The following RASSF9 variants were observed in gnomAD, a reference collection of about 807,000 sequenced individuals.
RASSF9 encodes Ras association domain family member 9.
RASSF9 carries 18 observed loss-of-function variants against 21.4 expected under a neutral mutation model. The observed-to-expected ratio is 0.84, with a 90% CI of 0.58 to 1.25. The LOEUF (loss-of-function observed/expected upper bound fraction) is 1.25. Among genes scored for constraint, RASSF9 ranks in the 50% most tolerant of loss-of-function variants. The probability of loss-of-function intolerance (pLI) is 0.00; values close to 1 mark genes in which losing one functional copy is unlikely to be tolerated. For synonymous variants in RASSF9, 183 were observed against 179.1 expected, an observed-to-expected ratio of 1.02 and a Z score of -0.18; for missense variants, 480 against 503.2, an observed-to-expected ratio of 0.95 and a Z score of 0.44.
At position 85,805,931 on chromosome 12, in the gene RASSF9, T is replaced by C. The variant is rs769315880; in HGVS notation, c.79A>G (p.Lys27Glu). Residue 27 changes from lysine to glutamate, a missense_variant, in exon 2 of 2, where the codon AAG becomes GAG. Physicochemically the swap from Lys to Glu is moderately conservative, Grantham distance 56. Transcript: ENST00000361228. ...SPTKDMDSEE[K>E]EIVVWVCQEE... The stretch of plus-strand genomic sequence containing the variant: ...TGGCAAACCCAAACCACAATTTCCT[T>C]CTCTTCTGAATCCATGTCTTTAGTT... 4 of 1,612,422 alleles carry C rather than the reference T, an allele frequency of 2.5e-6. No individual in the cohort carries two copies. In the African/African-American group the frequency reaches 4.0e-5, roughly 16 times the overall value.
intron 1 of RASSF9, among the ~76,000 whole-genome samples, chr12:85,807,554 C>A (rs1879861615): frequency 6.6e-6 from 1 of 151,932 alleles, no homozygotes; most frequent in East Asian, 1.9e-4. Flanking sequence ...ATGATGATTT[C>A]CTGGACTAGA....
chr12:85,823,761 A>T (rs1300977471), intron 1 of RASSF9, among the ~76,000 whole-genome samples: 1 of 152,220 alleles, frequency 6.6e-6, no homozygotes, highest in African/African-American at 2.4e-5. Flanking sequence ...GAGGCAAACC[A>T]TCGAAATCAA....
Position 85,836,254 on chromosome 12 carries a change from G to A in RASSF9, c.-53C>T. On this transcript the variant is annotated 5_prime_UTR_variant, in exon 1 of 2. Coordinates refer to ENST00000361228, the MANE Select transcript of RASSF9 (RefSeq NM_005447.4). ...TTATCTTAAAGTGATCTGAGGGTGGGGGTGGGGGTGTCTGGATTTCCAGGG... is the reference window on the plus strand; with the variant it reads ...TTATCTTAAAGTGATCTGAGGGTGGAGGTGGGGGTGTCTGGATTTCCAGGG... 2 of 1,498,084 alleles carry A rather than the reference G, an allele frequency of 1.3e-6. No homozygotes were observed. Among genetic ancestry groups the A allele is most frequent in the Non-Finnish European group, 1.8e-6 (2 of 1,101,276 alleles). The allele number at this position is 1,498,084 out of a possible 1,614,324, so 92.8% of individuals were successfully genotyped here. A position where few individuals can be genotyped will look rare whatever the true frequency, so the allele number is the denominator to read the frequency against.
chr12:85,811,446 G>T (rs975325611), intron 1 of RASSF9, among the ~76,000 whole-genome samples: 4 of 151,686 alleles, frequency 2.6e-5, no homozygotes, highest in African/African-American at 9.7e-5. Context: ...TAAATTAACT[G>T]GTTATAAAAT....
rs71076150 is a variant in RASSF9, at chr12:85,806,672, C to CAA, written c.48-712_48-711dup. ...TGGGCAACAGCGTGAGACTCCATCT[C>CAA]AAAAAAAAAAAAAAAAAAAAAAAAA... On this transcript the variant is annotated intron_variant, in intron 1 of 1. Transcript: ENST00000361228. Among the ~76,000 whole-genome samples the CAA allele has an allele frequency of 5.7e-3, 312 of 54,830 alleles. 27 individuals carry two copies. Among genetic ancestry groups the CAA allele is most frequent in the South Asian group, 0.01 (6 of 600 alleles). 36.0% of individuals were successfully genotyped at this position (54,830 alleles called of 152,430 possible). A position where few individuals can be genotyped will look rare whatever the true frequency, so the allele number is the denominator to read the frequency against.
At chr12:85,832,339 C>G (rs1468994827) in intron 1 of RASSF9, among the ~76,000 whole-genome samples, 10 of 151,862 alleles carry the variant, frequency 6.6e-5, no homozygotes, top group African/African-American at 2.4e-4. Context: ...AATTCTCTGT[C>G]TCCAAATCTT....
rs538405941 is a variant in RASSF9, at chr12:85,801,269, C to T, written c.*3433G>A. ...GCCACATTTAAAAAAATCGTAGTAG[C>T]ATGAAGATTTAATTTTTCTTTCCCA... On this transcript the variant is annotated 3_prime_UTR_variant, in exon 2 of 2. Coordinates refer to ENST00000361228, the MANE Select transcript of RASSF9 (RefSeq NM_005447.4). 1 of 152,016 alleles carries T rather than the reference C, an allele frequency of 6.6e-6. No homozygotes were observed. The allele number at this position is 152,016 out of a possible 1,614,324, so 9.4% of individuals were successfully genotyped here. A position where few individuals can be genotyped will look rare whatever the true frequency, so the allele number is the denominator to read the frequency against.
Position 85,803,333 on chromosome 12 carries a change from T to TA in RASSF9, c.*1368dup, listed in dbSNP as rs2136547391. On this transcript the variant is annotated 3_prime_UTR_variant, in exon 2 of 2. Transcript: ENST00000361228. ...AACTAAGTAAAATAATATTTCTACT[T>TA]ACATGTGCAGTGACACACAGGAAAG... 1 of 152,248 alleles carries TA rather than the reference T, an allele frequency of 6.6e-6. No homozygotes were observed. The highest frequency in any genetic ancestry group is 1.9e-4 in the East Asian group (1 of 5,188). The allele number at this position is 152,248 out of a possible 1,614,324, so 9.4% of individuals were successfully genotyped here.
intron 1 of RASSF9, among the ~76,000 whole-genome samples, chr12:85,830,845 G>A (rs1448096): frequency 0.23 from 35,243 of 151,964 alleles, 4,301 homozygotes; most frequent in Non-Finnish European, 0.26. Flanking sequence ...AGAAGGTGTA[G>A]TACTACAACA....
rs1391884012 is a variant in RASSF9, at chr12:85,805,047, A to G, written c.963T>C (p.Asp321=). The G allele has an allele frequency of 1.2e-6, 2 of 1,613,954 alleles. No individual in the cohort carries two copies. The highest frequency in any genetic ancestry group is 3.3e-4 in the Middle Eastern group (2 of 6,062). The part of the protein sequence containing the change: ...ESSNLESVKC[D]LEKSMKAGLK... ...AACCAGCTTTCATGCTTTTCTCCAA[A>G]TCACACTTAACACTCTCTAAATTAG... The change falls in exon 2 of 2, where the codon GAT becomes GAC. Residue 321 remains aspartate, a synonymous_variant. Transcript: ENST00000361228.
At position 85,805,258 on chromosome 12, in the gene RASSF9, T is replaced by A; in HGVS notation, c.752A>T (p.Tyr251Phe). 2 of 1,613,716 alleles carry A rather than the reference T, an allele frequency of 1.2e-6. No individual in the cohort carries two copies. Among genetic ancestry groups the A allele is most frequent in the Non-Finnish European group, 1.7e-6 (2 of 1,179,886 alleles). Reference sequence around the variant, plus strand: ...GTCCTCCAGAGTCTGGTTTTCCTCATACTGCAAGTCTAGATTTTGCTCAAC... The same window carrying A: ...GTCCTCCAGAGTCTGGTTTTCCTCAAACTGCAAGTCTAGATTTTGCTCAAC... The part of the protein sequence containing the change: ...SEVEQNLDLQ[Y>F]EENQTLEDLS... Residue 251 changes from tyrosine (Y) to phenylalanine (F), a missense_variant, in exon 2 of 2, where the codon TAT becomes TTT. Coordinates refer to ENST00000361228, the MANE Select transcript of RASSF9 (RefSeq NM_005447.4).
chr12:85,831,308 G>T (rs963632536), intron 1 of RASSF9, among the ~76,000 whole-genome samples: 40 of 151,932 alleles, frequency 2.6e-4, no homozygotes, highest in Non-Finnish European at 8.8e-5. Flanking sequence ...AAATTAAATT[G>T]TTAGACAGCT....
In RASSF9 at chr12:85,836,012, G is replaced by C; in HGVS notation, c.47+143C>G. ...CATACTAGCCTAACTCCTTAGGCTA[G>C]GACTGTGTCCCCACGAAGCCTTTTT... On this transcript the variant is annotated intron_variant, in intron 1 of 1. Transcript: ENST00000361228. The C allele has an allele frequency of 3.3e-6, 5 of 1,499,788 alleles. No homozygotes were observed. The South Asian group carries it at 6.4e-5, about 19-fold the overall frequency. The allele number at this position is 1,499,788 out of a possible 1,614,324, so 92.9% of individuals were successfully genotyped here.
intron 1 of RASSF9, among the ~76,000 whole-genome samples, chr12:85,811,488 T>C (rs935774001): frequency 6.6e-6 from 1 of 151,904 alleles, no homozygotes; most frequent in African/African-American, 2.4e-5. Context: ...ATTCCAAATT[T>C]ATTACTCCTG....
chr12:85,826,445 A>AT (rs1491522992), intron 1 of RASSF9, among the ~76,000 whole-genome samples: 5 of 133,526 alleles, frequency 3.7e-5, no homozygotes, highest in South Asian at 2.3e-4. Context: ...ATTCCTTCCA[A>AT]TATTTTTTTT....
intron 1 of RASSF9, among the ~76,000 whole-genome samples, chr12:85,835,569 T>A (rs143824628): frequency 0.011 from 1,607 of 152,232 alleles, 12 homozygotes; most frequent in Non-Finnish European, 0.016. Context: ...TCTCAAAGAT[T>A]TTTTAAAGAA....
chr12:85,830,441 T>C (rs529960481), intron 1 of RASSF9, among the ~76,000 whole-genome samples: 1 of 152,252 alleles, frequency 6.6e-6, no homozygotes, highest in Non-Finnish European at 1.5e-5. Context: ...AGCTGTATTT[T>C]AAGAGTATAT....
chr12:85,834,297 G>A (rs1284497668), intron 1 of RASSF9, among the ~76,000 whole-genome samples: 1 of 152,100 alleles, frequency 6.6e-6, no homozygotes, highest in Non-Finnish European at 1.5e-5. Context: ...TTATAACAAA[G>A]CATCATCTTC....
intron 1 of RASSF9, among the ~76,000 whole-genome samples, chr12:85,817,717 T>C (rs1439290254): frequency 1.3e-5 from 2 of 151,956 alleles, no homozygotes; most frequent in African/African-American, 4.8e-5. Context: ...ATAAAAGAAA[T>C]GGAAGATAAA....
Sources: allele counts gnomAD v4.1 joint callset (sites outside exome capture counted in the v4.1 genomes callset), GRCh38; gene constraint gnomAD v4.1.1; transcripts MANE v1.5; gene names NCBI Gene and HGNC (gene_info 2026-07-23, HGNC 2026-07-21).